The following CPED1 variants were observed in gnomAD, a reference collection of about 807,000 sequenced individuals.
The protein encoded by CPED1 is cadherin like and PC-esterase domain containing 1, also known as cadherin-like and PC-esterase domain-containing protein 1.
Under a neutral mutation model 128.2 loss-of-function variants are expected in CPED1, and 114 were observed. That is an observed-to-expected ratio of 0.89 (90% CI 0.76 to 1.04). The LOEUF is 1.04. CPED1 is among the 50% of genes least tolerant of loss of function. CPED1 has a pLI of 0.00. For missense variants in CPED1, 1,211 were observed against 1,207.1 expected (o/e 1.00, Z -0.05); for synonymous variants, 462 against 426.7 (o/e 1.08, Z -1.02).
chr7:121,127,249 G>A lies in CPED1; in HGVS notation c.1294G>A (p.Val432Ile), dbSNP rs1795527137. ...ATTTCAGAGACTTTATAGATCAGAT[G>A]TTTTCAAGGTAAGTGCATATTTGTG... ...EIFQRLYRSD[V>I]FKGENYQKEL... The change falls in exon 10 of 23, where the codon GTT becomes ATT. Residue 432 changes from valine to isoleucine, a missense_variant. By Grantham distance (29) the Val-to-Ile change is conservative. Transcript: ENST00000310396. 3.8e-6 allele frequency: 6 copies of A among 1,569,940 alleles called. No homozygotes were observed. Among genetic ancestry groups the A allele is most frequent in the East Asian group, 2.3e-5 (1 of 44,356 alleles).
At chr7:121,250,583 A>G (rs541638541) in intron 18 of CPED1, among the ~76,000 whole-genome samples, 71 of 152,346 alleles carry the variant, frequency 4.7e-4, no homozygotes, top group African/African-American at 1.6e-3. Context: ...AGCAAGACTA[A>G]TAAGAAAAGA....
chr7:121,143,348 T>C (rs1303946693), intron 16 of CPED1, among the ~76,000 whole-genome samples: 2 of 152,006 alleles, frequency 1.3e-5, no homozygotes, highest in African/African-American at 4.8e-5. Flanking sequence ...TAAATGGTGG[T>C]TCATTTATAG....
At chr7:121,269,318 C>CA (rs1429769240) in intron 21 of CPED1, among the ~76,000 whole-genome samples, 2 of 151,898 alleles carry the variant, frequency 1.3e-5, no homozygotes, top group Non-Finnish European at 2.9e-5. Flanking sequence ...CATGTTTCTG[C>CA]AAAAAACATG....
chr7:121,215,098 CCT>C (rs1478516246), intron 16 of CPED1, among the ~76,000 whole-genome samples: 1 of 151,942 alleles, frequency 6.6e-6, no homozygotes, highest in Non-Finnish European at 1.5e-5. Context: ...TTCTTCTACC[CCT>C]CTGTGTCTAA....
intron 14 of CPED1, among the ~76,000 whole-genome samples, chr7:121,137,854 C>G (rs1322087480): frequency 6.6e-6 from 1 of 152,052 alleles, no homozygotes; most frequent in African/African-American, 2.4e-5. Flanking sequence ...AGGGTCCACT[C>G]TGTGCCAGGC....
chr7:121,056,674 A>T (rs1793507130), intron 4 of CPED1, among the ~76,000 whole-genome samples: 1 of 152,118 alleles, frequency 6.6e-6, no homozygotes, highest in Admixed American at 6.5e-5. Flanking sequence ...TATTTCTCTA[A>T]TCATTTCTCC....
chr7:121,152,305 A>C (rs1796178242), intron 16 of CPED1, among the ~76,000 whole-genome samples: 2 of 152,186 alleles, frequency 1.3e-5, no homozygotes, highest in Admixed American at 6.5e-5. Context: ...TTGGAAAATA[A>C]ATATTGCATG....
intron 3 of CPED1, among the ~76,000 whole-genome samples, chr7:121,017,148 G>T (rs895789296): frequency 6.6e-6 from 1 of 152,154 alleles, no homozygotes; most frequent in African/African-American, 2.4e-5. Flanking sequence ...AAGAAAGAAG[G>T]TCTTAAAATA....
At chr7:121,265,065 G>C (rs752438000) in intron 18 of CPED1, among the ~76,000 whole-genome samples, 4 of 152,074 alleles carry the variant, frequency 2.6e-5, no homozygotes, top group Admixed American at 6.6e-5. Flanking sequence ...GAGACCTGTT[G>C]GTAGAGGCAG....
intron 18 of CPED1, among the ~76,000 whole-genome samples, chr7:121,245,880 C>T (rs897007264): frequency 2.6e-5 from 4 of 151,906 alleles, no homozygotes; most frequent in Non-Finnish European, 5.9e-5. Flanking sequence ...ATAGTAGAGA[C>T]GGGGTTTCAC....
intron 16 of CPED1, among the ~76,000 whole-genome samples, chr7:121,176,920 T>A (rs115334748): frequency 2.0e-5 from 3 of 152,228 alleles, no homozygotes; most frequent in African/African-American, 7.2e-5. Context: ...TGACTAGAAG[T>A]ACTCCAAAGT....
intron 16 of CPED1, among the ~76,000 whole-genome samples, chr7:121,183,737 A>T (rs1009989338): frequency 6.6e-6 from 1 of 152,194 alleles, no homozygotes. Context: ...TTTGCTTTCA[A>T]TGCTGGTTTA....
chr7:121,039,610 G>A (rs1792993005), intron 3 of CPED1, among the ~76,000 whole-genome samples: 1 of 151,962 alleles, frequency 6.6e-6, no homozygotes, highest in African/African-American at 2.4e-5. Context: ...TGAGAGTGTT[G>A]TCCCAGACAG....
chr7:121,271,526 C>CA (rs1323826801), intron 22 of CPED1, 96 bp downstream of exon 22: 3 of 1,246,000 alleles, frequency 2.4e-6, no homozygotes, highest in Non-Finnish European at 3.4e-6. Flanking sequence ...TTGCATGAAA[C>CA]AAAAAACAAT....
intron 16 of CPED1, among the ~76,000 whole-genome samples, chr7:121,219,956 G>A (rs560585640): frequency 6.6e-6 from 1 of 152,084 alleles, no homozygotes; most frequent in South Asian, 2.1e-4. Flanking sequence ...AGTGTAAGGC[G>A]ATTACTTAGG....
intron 7 of CPED1, among the ~76,000 whole-genome samples, chr7:121,115,946 C>CA (rs1759017348): frequency 6.6e-6 from 1 of 152,174 alleles, no homozygotes; most frequent in South Asian, 2.1e-4. Flanking sequence ...TTATATCCCA[C>CA]TGAGAAATTC....
intron 21 of CPED1, among the ~76,000 whole-genome samples, chr7:121,268,973 T>C (rs1257756650): frequency 6.6e-6 from 1 of 151,978 alleles, no homozygotes; most frequent in Non-Finnish European, 1.5e-5. Flanking sequence ...CTGTCTCCTC[T>C]GCTGGATGGT....
At chr7:121,156,765 A>T (rs891845202) in intron 16 of CPED1, among the ~76,000 whole-genome samples, 2 of 152,100 alleles carry the variant, frequency 1.3e-5, no homozygotes, top group African/African-American at 2.4e-5. Context: ...TAATAAAGAC[A>T]GTAAATTTTA....
chr7:121,091,927 T>G (rs1794580861), intron 5 of CPED1, among the ~76,000 whole-genome samples: 1 of 152,166 alleles, frequency 6.6e-6, no homozygotes, highest in Non-Finnish European at 1.5e-5. Flanking sequence ...CTTTATTGGT[T>G]TCCCCCACAT....
Sources: allele counts gnomAD v4.1 joint callset (sites outside exome capture counted in the v4.1 genomes callset), GRCh38; gene constraint gnomAD v4.1.1; transcripts MANE v1.5; gene names NCBI Gene and HGNC (gene_info 2026-07-23, HGNC 2026-07-21).